The following IFT74 variants were observed in gnomAD, a reference collection of about 807,000 sequenced individuals.
The protein encoded by IFT74 is intraflagellar transport protein 74 homolog.
In IFT74, 92 loss-of-function variants were observed where a neutral mutation model predicts 96.7. The observed-to-expected ratio is 0.95, with a 90% CI of 0.80 to 1.13. The LOEUF is 1.13. IFT74 is among the 50% of genes most tolerant of loss of function. IFT74 has a pLI of 0.00. For missense variants in IFT74, 811 were observed against 698.2 expected, an observed-to-expected ratio of 1.16 and a Z score of -1.82; for synonymous variants, 223 against 213.2, an observed-to-expected ratio of 1.05 and a Z score of -0.40.
intron 4 of IFT74, among the ~76,000 whole-genome samples, chr9:26,982,591 G>GA (rs550979575): frequency 5.1e-4 from 77 of 151,990 alleles, no homozygotes; most frequent in Non-Finnish European, 9.4e-4. Context: ...GAGTAGCTGG[G>GA]ATTACAGGTG....
At chr9:27,050,990 T>G (rs1436292782) in intron 16 of IFT74, among the ~76,000 whole-genome samples, 1 of 152,178 alleles carries the variant, frequency 6.6e-6, no homozygotes, top group Non-Finnish European at 1.5e-5. Context: ...TGACCTGACC[T>G]GAACTGACGT....
intron 2 of IFT74, 51 bp from the exon 3 acceptor site, chr9:26,978,077 G>T: frequency 6.7e-7 from 1 of 1,486,744 alleles, no homozygotes. Flanking sequence ...AATAAAAGAT[G>T]TACAGTGTTT....
intron 3 of IFT74, among the ~76,000 whole-genome samples, chr9:26,978,952 T>C (rs1453259316): frequency 2.0e-5 from 3 of 152,134 alleles, no homozygotes; most frequent in East Asian, 3.8e-4. Flanking sequence ...TAAACCAAAC[T>C]ATGGTAAACT....
At chr9:26,966,042 A>G (rs1826595934) in intron 2 of IFT74, among the ~76,000 whole-genome samples, 1 of 152,038 alleles carries the variant, frequency 6.6e-6, no homozygotes, top group Non-Finnish European at 1.5e-5. Flanking sequence ...ATATATGTAT[A>G]TACATGTATA....
intron 3 of IFT74, among the ~76,000 whole-genome samples, chr9:26,979,235 T>C (rs1019020558): frequency 1.3e-5 from 2 of 152,086 alleles, no homozygotes; most frequent in Non-Finnish European, 2.9e-5. Flanking sequence ...ATTGATTATT[T>C]AGAAATGTTT....
intron 8 of IFT74, among the ~76,000 whole-genome samples, chr9:27,005,149 C>G (rs1046589039): frequency 4.0e-5 from 6 of 151,286 alleles, no homozygotes; most frequent in African/African-American, 1.5e-4. Context: ...AGATTTAAAA[C>G]CTTTTTGTAA....
chr9:26,999,556 A>G, intron 8 of IFT74: 1 of 1,298,932 alleles, frequency 7.7e-7, no homozygotes, highest in South Asian at 1.3e-5. Context: ...TATTTTACTA[A>G]ATATACAGAA....
At chr9:26,977,628 A>G (rs1827183608) in intron 2 of IFT74, among the ~76,000 whole-genome samples, 1 of 152,098 alleles carries the variant, frequency 6.6e-6, no homozygotes, top group Non-Finnish European at 1.5e-5. Flanking sequence ...AGCCGGGATT[A>G]CAGACGTGTG....
intron 2 of IFT74, among the ~76,000 whole-genome samples, chr9:26,976,142 C>T (rs1299756300): frequency 2.0e-5 from 3 of 152,098 alleles, no homozygotes; most frequent in Admixed American, 6.6e-5. Flanking sequence ...TTGTTTGTCA[C>T]AATGGGTGGG....
rs1474157967 is a variant in IFT74 at position 26,984,719 on chromosome 9, A to G, written c.465+160A>G. Among the ~76,000 whole-genome samples, 3 of 152,200 alleles carry G rather than the reference A, an allele frequency of 2.0e-5. No individual in the cohort carries two copies. The East Asian group carries it at 5.8e-4, about 29-fold the overall frequency. ...TATGAAAAGAAGCTCATCATCACTG[A>G]TGATGATTAGGGAAATGCAAATCAA... is the stretch of plus-strand genomic sequence containing the variant. On this transcript the variant is annotated intron_variant, in intron 6 of 19. Transcript: ENST00000380062.
In IFT74 at chr9:27,044,917, C is replaced by A. The variant is rs936343609; in HGVS notation, c.1108+122C>A. 9.7e-5 allele frequency: 55 copies of A among 566,814 alleles called. No individual in the cohort carries two copies. In the East Asian group the frequency reaches 1.6e-3, roughly 16 times the overall value. 35.1% of individuals were successfully genotyped at this position (566,814 alleles called of 1,614,324 possible). On this transcript the variant is annotated intron_variant, in intron 14 of 19. Transcript: ENST00000380062. ...TAATAAATGCAGAAGTGTGGACATTCAAAGCATTTTGCCTTGAAGAATAGT... is the reference window on the plus strand; with the variant it reads ...TAATAAATGCAGAAGTGTGGACATTAAAAGCATTTTGCCTTGAAGAATAGT...
At chr9:26,982,189 T>C (rs961830736) in intron 4 of IFT74, 1 of 245,398 alleles carries the variant, frequency 4.1e-6, no homozygotes, top group African/African-American at 2.3e-5. Flanking sequence ...TATGTTATAT[T>C]AATCAGTAAG....
chr9:27,061,677 GTATATA>G (rs10668267), intron 19 of IFT74, among the ~76,000 whole-genome samples: 6 of 143,104 alleles, frequency 4.2e-5, no homozygotes, highest in Non-Finnish European at 6.1e-5. Context: ...ATATCCACAA[GTATATA>G]TATATATATA....
At chr9:27,008,358 T>A (rs1326374822) in intron 8 of IFT74, among the ~76,000 whole-genome samples, 2 of 151,844 alleles carry the variant, frequency 1.3e-5, no homozygotes, top group African/African-American at 4.9e-5. Flanking sequence ...CTAAAACTTA[T>A]TTGTCTTTTT....
At chr9:26,947,834 C>G (rs1825794985) in intron 1 of IFT74, among the ~76,000 whole-genome samples, 2 of 152,066 alleles carry the variant, frequency 1.3e-5, no homozygotes, top group Non-Finnish European at 1.5e-5. Flanking sequence ...TTTTCTCTGG[C>G]GGCTTGTTAA....
intron 16 of IFT74, among the ~76,000 whole-genome samples, chr9:27,055,348 A>T (rs776053200): frequency 6.6e-6 from 1 of 152,108 alleles, no homozygotes; most frequent in African/African-American, 2.4e-5. Context: ...AAAAAACTTA[A>T]ATGTTTGTTA....
intron 12 of IFT74, among the ~76,000 whole-genome samples, chr9:27,020,919 C>A (rs1829569441): frequency 6.6e-6 from 1 of 152,016 alleles, no homozygotes; most frequent in Non-Finnish European, 1.5e-5. Flanking sequence ...TATCCCTCAC[C>A]CACCTCTCAC....
intron 9 of IFT74, among the ~76,000 whole-genome samples, chr9:27,010,485 G>GT (rs375246441): frequency 0.19 from 24,289 of 127,946 alleles, 2,101 homozygotes; most frequent in Non-Finnish European, 0.21. Flanking sequence ...CCTTTTTTTT[G>GT]TTTTTTTTTT....
chr9:27,019,648 T>C (rs935146294), intron 12 of IFT74, among the ~76,000 whole-genome samples: 2 of 152,026 alleles, frequency 1.3e-5, no homozygotes, highest in Middle Eastern at 3.4e-3. Flanking sequence ...TATTCCATTG[T>C]ATGGATATAC....
Sources: gnomAD v4.1 joint callset for allele counts (sites outside exome capture counted in the v4.1 genomes callset) on GRCh38, gnomAD v4.1.1 for gene constraint, MANE v1.5 for transcripts, NCBI Gene and HGNC (gene_info 2026-07-23, HGNC 2026-07-21) for gene names.